KRTCAP3: variants seen among roughly 807,000 people sequenced by gnomAD.
KRTCAP3 encodes keratinocyte associated protein 3.
A neutral mutation model predicts 20.5 loss-of-function variants in KRTCAP3; 18 were observed. The observed-to-expected ratio is 0.88, with a 90% CI of 0.61 to 1.31. The LOEUF (loss-of-function observed/expected upper bound fraction) is 1.31, where lower values mean the gene tolerates loss of function less well. Ranked by LOEUF, KRTCAP3 falls within the 50% of genes most tolerant of loss-of-function variation. The pLI, the probability that KRTCAP3 is intolerant of heterozygous loss-of-function variation, is 0.00. For synonymous variants in KRTCAP3, 167 were observed against 133.7 expected, an observed-to-expected ratio of 1.25 and a Z score of -1.72; for missense variants, 347 against 310.4, an observed-to-expected ratio of 1.12 and a Z score of -0.89.
downstream of KRTCAP3, chr2:27,446,128 G>T: frequency 7.6e-7 from 1 of 1,321,206 alleles, no homozygotes; most frequent in East Asian, 2.3e-5. Context: ...AATCCAGGAA[G>T]ACATAGGAGG....
downstream of KRTCAP3, among the ~76,000 whole-genome samples, chr2:27,444,782 GGATTACAGGTGCACGCCACCAGACCCGGC>G (rs1165744677): frequency 2.0e-5 from 3 of 152,182 alleles, no homozygotes; most frequent in East Asian, 5.8e-4. Flanking sequence ...TGAGTAGCTG[GGATTACAGGTGCACGCCACCAGACCCGGC>G]TAACTTTTGT....
intron 6 of KRTCAP3, 21 bp from the exon 7 acceptor site, chr2:27,444,165 T>C: frequency 2.6e-6 from 2 of 771,932 alleles, no homozygotes; most frequent in South Asian, 3.1e-5. Context: ...CTGACCTGGG[T>C]TGGTTCTCCC....
chr2:27,442,658 G>A lies in KRTCAP3; in HGVS notation c.108G>A (p.Gly36=). Residue 36 remains glycine, a synonymous_variant, in exon 2 of 7, where the codon GGG becomes GGA. Transcript: ENST00000288873. ...ILVGHVNLLL[G]AVLHGTVLRH... ...TGGGCCACGTGAACCTGCTGCTGGG[G>A]GCCGTGCTGCATGGCACCGTCCTGC... 6.3e-7 allele frequency: 1 copy of A among 1,583,162 alleles called. No individual in the cohort carries two copies. The highest frequency in any genetic ancestry group is 8.6e-7 in the Non-Finnish European group (1 of 1,164,694).
downstream of KRTCAP3, chr2:27,444,584 A>T: frequency 7.6e-7 from 1 of 1,307,992 alleles, no homozygotes; most frequent in South Asian, 1.2e-5. Flanking sequence ...AATCAGCTCC[A>T]TCGCAGGCTT....
intron 2 of KRTCAP3, 28 bp from the exon 3 acceptor site, chr2:27,442,814 C>G (rs767316976): frequency 1.2e-6 from 2 of 1,611,362 alleles, no homozygotes; most frequent in Non-Finnish European, 1.7e-6. Context: ...GAGAGCCCAG[C>G]AGGCCAAAGG....
At chr2:27,445,178 G>A (rs916432121), downstream of KRTCAP3, 27 of 1,597,874 alleles carry the variant, frequency 1.7e-5, no homozygotes, top group Non-Finnish European at 2.1e-5. This position sits in a 1 kb window ranked among gnomAD's most constrained non-coding sequence, Gnocchi z 4.4. Flanking sequence ...AGCAGCCTGG[G>A]GGGTAGAAAG....
downstream of KRTCAP3, chr2:27,445,216 T>C (rs2148465143): frequency 1.3e-6 from 2 of 1,582,236 alleles, no homozygotes; most frequent in East Asian, 4.5e-5. The surrounding 1 kb of genome is among the most constrained non-coding windows in gnomAD (Gnocchi z 4.4). Flanking sequence ...TACCCTTTAC[T>C]GAATCCTAGT....
chr2:27,446,452 AATT>A (rs1322819040), downstream of KRTCAP3: 28 of 1,031,928 alleles, frequency 2.7e-5, no homozygotes, highest in African/African-American at 3.5e-4. Flanking sequence ...AAAAAACAAC[AATT>A]ATTATTAAAC....
downstream of KRTCAP3, chr2:27,446,039 C>T: frequency 6.2e-7 from 1 of 1,604,426 alleles, no homozygotes; most frequent in Admixed American, 1.7e-5. Flanking sequence ...GGTTTGAATG[C>T]TACTTCTCTG....
chr2:27,442,665 C>G lies in KRTCAP3; in HGVS notation c.115C>G (p.Leu39Val). Residue 39 changes from leucine to valine, a missense_variant, in exon 2 of 7, where the codon CTG becomes GTG. Leu to Val is a conservative substitution (Grantham distance 32). Coordinates refer to ENST00000288873, the MANE Select transcript of KRTCAP3 (RefSeq NM_173853.4). ...GHVNLLLGAV[L>V]HGTVLRHVAN... ...CGTGAACCTGCTGCTGGGGGCCGTG[C>G]TGCATGGCACCGTCCTGCGGCACGT... The G allele has an allele frequency of 6.3e-7, 1 of 1,584,090 alleles. No homozygotes were observed. The highest frequency in any genetic ancestry group is 8.6e-7 in the Non-Finnish European group (1 of 1,164,530).
At chr2:27,446,467 G>T, downstream of KRTCAP3, 1 of 889,662 alleles carries the variant, frequency 1.1e-6, no homozygotes, top group Non-Finnish European at 1.8e-6. Context: ...TTATTAAACT[G>T]CTCTGGATTC....
chr2:27,444,653 T>G (rs566835533), downstream of KRTCAP3: 8 of 675,256 alleles, frequency 1.2e-5, no homozygotes, highest in African/African-American at 1.3e-4. Flanking sequence ...TATGTGGGTT[T>G]TTTGTTTGTT....
downstream of KRTCAP3, chr2:27,444,626 C>T (rs1664864279): frequency 1.1e-5 from 9 of 840,764 alleles, no homozygotes; most frequent in Non-Finnish European, 1.7e-5. Context: ...TGTAATCCCA[C>T]CCATCTTTCT....
downstream of KRTCAP3, chr2:27,446,002 G>T: frequency 5.6e-6 from 9 of 1,614,230 alleles, no homozygotes; most frequent in Non-Finnish European, 6.8e-6. Flanking sequence ...CAGCAAAGAA[G>T]AGTTGCAAAT....
At chr2:27,442,461 T>C (rs1416537794) in intron 1 of KRTCAP3, 21 bp downstream of exon 1, 1 of 1,565,620 alleles carries the variant, frequency 6.4e-7, no homozygotes, top group South Asian at 1.2e-5. Context: ...GGCCCTGGCG[T>C]CTCGTCTCCT....
intron 3 of KRTCAP3, 86 bp downstream of exon 3, chr2:27,442,987 G>T: frequency 6.3e-7 from 1 of 1,577,078 alleles, no homozygotes. Context: ...TCAATAGATT[G>T]GAGGAGCCTC....
downstream of KRTCAP3, chr2:27,445,036 T>C (rs748778867): frequency 1.9e-6 from 3 of 1,614,130 alleles, no homozygotes; most frequent in East Asian, 2.2e-5. This position sits in a 1 kb window ranked among gnomAD's most constrained non-coding sequence, Gnocchi z 4.4. Flanking sequence ...AAGGAATTTA[T>C]TCCAGTTGTC....
chr2:27,445,701 TCA>T, downstream of KRTCAP3: 1 of 1,602,740 alleles, frequency 6.2e-7, no homozygotes, highest in Non-Finnish European at 8.5e-7. The surrounding 1 kb of genome is among the most constrained non-coding windows in gnomAD (Gnocchi z 4.4). Context: ...CTCAAGGCAC[TCA>T]CACTGGTGAG....
rs756294993 is a variant in KRTCAP3 at position 27,443,155 on chromosome 2, C to T, written c.355C>T (p.Leu119Phe). ...CSLGLLLAVS[L>F]TVANGGRRLI... ...CCTGGGCCTCCTTCTTGCTGTGTCA[C>T]TCACTGTGGCCAACGGTGGCCGCCG... The change falls in exon 4 of 7, where the codon CTC (leucine) becomes TTC (phenylalanine). Residue 119 changes from leucine to phenylalanine, a missense_variant. By Grantham distance (22) the Leu-to-Phe change is conservative. Transcript: ENST00000288873. 6.2e-7 allele frequency: 1 copy of T among 1,614,052 alleles called. No individual in the cohort carries two copies. The highest frequency in any genetic ancestry group is 8.5e-7 in the Non-Finnish European group (1 of 1,180,028).
Sources: gnomAD v4.1 joint callset for allele counts (sites outside exome capture counted in the v4.1 genomes callset) on GRCh38, gnomAD v4.1.1 for gene constraint, Gnocchi (gnomAD v3.1) non-coding constraint, MANE v1.5 for transcripts, NCBI Gene and HGNC (gene_info 2026-07-23, HGNC 2026-07-21) for gene names.